ZNF462: variants seen among roughly 807,000 people sequenced by gnomAD.
ZNF462 encodes the protein zinc finger PBX1-interacting protein.
A neutral mutation model predicts 201.9 loss-of-function variants in ZNF462; 10 were observed. The ratio of observed to expected loss-of-function variants is 0.05; its 90% CI spans 0.03 to 0.08. The LOEUF (loss-of-function observed/expected upper bound fraction) is 0.08. Among genes scored for constraint, ZNF462 ranks in the 10% least tolerant of loss-of-function variants. The pLI, the probability that ZNF462 is intolerant of heterozygous loss-of-function variation, is 1.00. For missense variants in ZNF462, 2,523 were observed against 3,168.3 expected (o/e 0.80, Z 4.89); for synonymous variants, 1,227 against 1,193.3 (o/e 1.03, Z -0.58).
intron 1 of ZNF462, among the ~76,000 whole-genome samples, chr9:106,912,533 C>T (rs1224352831): frequency 6.6e-6 from 1 of 152,166 alleles, no homozygotes; most frequent in African/African-American, 2.4e-5. Context: ...GGGCATGGAC[C>T]TTAAGTGTGA....
chr9:106,896,013 T>C (rs1017337006), intron 1 of ZNF462, among the ~76,000 whole-genome samples: 1 of 152,348 alleles, frequency 6.6e-6, no homozygotes, highest in East Asian at 1.9e-4. Flanking sequence ...TGTCCTTTTC[T>C]TTCCCAATGG....
At chr9:106,991,839 TACACACACACACACAC>T (rs200978759) in intron 10 of ZNF462, among the ~76,000 whole-genome samples, 1,645 of 136,336 alleles carry the variant, frequency 0.012, 14 homozygotes, top group African/African-American at 0.013. Context: ...CAGCACTCTC[TACACACACACACACAC>T]ACACACACAC....
rs1177783030 is a variant in ZNF462 at position 107,013,001 on chromosome 9, T to A, written c.*1971T>A. 1.4e-5 allele frequency: 2 copies of A among 145,488 alleles called. No homozygotes were observed. The highest frequency in any genetic ancestry group is 5.7e-5 in the African/African-American group (2 of 35,168). 9.0% of individuals were successfully genotyped at this position (145,488 alleles called of 1,614,324 possible). ...AAGTGTGAACTATCCAGACAAAGAT[T>A]CATTTTGTGTCTATATTTGTTTTTA... On this transcript the variant is annotated 3_prime_UTR_variant, in exon 13 of 13. Coordinates refer to ENST00000277225, the MANE Select transcript of ZNF462 (RefSeq NM_021224.6).
At chr9:107,004,754 A>C (rs1416507409) in intron 11 of ZNF462, among the ~76,000 whole-genome samples, 1 of 152,114 alleles carries the variant, frequency 6.6e-6, no homozygotes, top group Non-Finnish European at 1.5e-5. Context: ...TCTCTTAGCA[A>C]TTGTCAGGTA....
intron 1 of ZNF462, among the ~76,000 whole-genome samples, chr9:106,911,069 T>G (rs1461178126): frequency 2.0e-5 from 3 of 152,164 alleles, no homozygotes; most frequent in Admixed American, 2.0e-4. Context: ...GCTTTAGAAA[T>G]ATCAAGGACA....
At chr9:106,893,781 T>C (rs531526702) in intron 1 of ZNF462, among the ~76,000 whole-genome samples, 14 of 152,314 alleles carry the variant, frequency 9.2e-5, no homozygotes, top group African/African-American at 2.9e-4. Flanking sequence ...TATTTCTATT[T>C]AGCATATGAG....
At chr9:106,931,319 A>C (rs1830415204) in intron 4 of ZNF462, among the ~76,000 whole-genome samples, 1 of 152,108 alleles carries the variant, frequency 6.6e-6, no homozygotes, top group South Asian at 2.1e-4. Context: ...CATAATCCTA[A>C]TAGCAGCCAC....
rs200373104 is a variant in ZNF462 at position 106,986,089 on chromosome 9, T to C, written c.7056+1680T>C. The stretch of plus-strand genomic sequence containing the variant: ...ACCTTTTTATTACAGTGTTTAAGCC[T>C]CCGGGCTGATATTTTCAGACAGAAC... On this transcript the variant is annotated intron_variant, in intron 10 of 12. Transcript: ENST00000277225. Among the ~76,000 whole-genome samples the C allele has an allele frequency of 1.1e-3, 174 of 152,308 alleles. 1 individual carries two copies. The East Asian group carries it at 0.031, about 27-fold the overall frequency.
At position 106,993,743 on chromosome 9, in the gene ZNF462, G is replaced by A. The variant is rs1241064669; in HGVS notation, c.7056+9334G>A. Among the ~76,000 whole-genome samples the A allele has an allele frequency of 6.6e-6, 1 of 151,480 alleles. No individual in the cohort carries two copies. Among genetic ancestry groups the A allele is most frequent in the African/African-American group, 2.4e-5 (1 of 41,202 alleles). On this transcript the variant is annotated intron_variant, in intron 10 of 12. Transcript: ENST00000277225. This position sits in a 1 kb window ranked among gnomAD's most constrained non-coding sequence, Gnocchi z 4.0. ...ATTAGCAATACTGTTGAAAGATGAAGACAACATTTTTTCTTTTTTGAGTCA... is the reference window on the plus strand; with the variant it reads ...ATTAGCAATACTGTTGAAAGATGAAAACAACATTTTTTCTTTTTTGAGTCA...
Position 106,923,484 on chromosome 9 carries a change from C to T in ZNF462, c.101C>T (p.Thr34Ile). The change falls in exon 2 of 13, where the codon ACT (threonine) becomes ATT (isoleucine). Residue 34 changes from threonine (T) to isoleucine (I), a missense_variant. Physicochemically the swap from Thr to Ile is moderately conservative, Grantham distance 89 (BLOSUM62 -1). Transcript: ENST00000277225. This position sits in a 1 kb window ranked among gnomAD's most constrained non-coding sequence, Gnocchi z 5.6. ...QDVHTAFLQP[T>I]DVAEDNVNEL... ...GTCCACACGGCATTTCTGCAGCCAA[C>T]TGATGTTGCTGAGGACAATGTGAAT... 6.2e-7 allele frequency: 1 copy of T among 1,614,228 alleles called. No individual in the cohort carries two copies. Among genetic ancestry groups the T allele is most frequent in the Non-Finnish European group, 8.5e-7 (1 of 1,180,050 alleles).
chr9:106,916,643 T>C (rs984061984), intron 1 of ZNF462, among the ~76,000 whole-genome samples: 3 of 152,218 alleles, frequency 2.0e-5, no homozygotes, highest in African/African-American at 7.2e-5. Context: ...AGGAACTTCC[T>C]GGTGAACCCA....
At chr9:106,975,906 C>T (rs1366092892) in intron 9 of ZNF462, 1 of 152,188 alleles carries the variant, frequency 6.6e-6, no homozygotes, top group Non-Finnish European at 1.5e-5. Context: ...AGCATTCTAC[C>T]CTCAACAAAG....
chr9:106,956,039 T>C (rs1831558692), intron 7 of ZNF462, among the ~76,000 whole-genome samples: 1 of 152,158 alleles, frequency 6.6e-6, no homozygotes, highest in Admixed American at 6.6e-5. Context: ...CGTCCTCCCA[T>C]GAATCACAGA....
rs1455963913 is a variant in ZNF462, at chr9:106,923,906, A to T, written c.221-227A>T. 6.6e-6 allele frequency among the ~76,000 whole-genome samples: 1 copy of T among 152,170 alleles called. No homozygotes were observed. Among genetic ancestry groups the T allele is most frequent in the Non-Finnish European group, 1.5e-5 (1 of 68,038 alleles). ...ATAGCTGTGTGGCTCATTTATGGAG[A>T]TGAGGAGAATACCTAAAGCTATACA... is the stretch of plus-strand genomic sequence containing the variant. On this transcript the variant is annotated intron_variant, in intron 2 of 12. Transcript: ENST00000277225. This position sits in a 1 kb window ranked among gnomAD's most constrained non-coding sequence, Gnocchi z 5.6.
At chr9:106,911,147 C>T (rs1381401490) in intron 1 of ZNF462, among the ~76,000 whole-genome samples, 1 of 152,186 alleles carries the variant, frequency 6.6e-6, no homozygotes, top group African/African-American at 2.4e-5. Context: ...GAAGTAGCCA[C>T]AGTCTTCATT....
At chr9:106,908,088 A>G (rs979886047) in intron 1 of ZNF462, among the ~76,000 whole-genome samples, 3 of 152,002 alleles carry the variant, frequency 2.0e-5, no homozygotes, top group African/African-American at 4.8e-5. Context: ...GTAATGTATT[A>G]TCTCTTAATT....
intron 1 of ZNF462, among the ~76,000 whole-genome samples, chr9:106,921,785 A>G (rs1449974511): frequency 1.3e-5 from 2 of 152,202 alleles, no homozygotes; most frequent in Non-Finnish European, 2.9e-5. Flanking sequence ...TGACTGCTGT[A>G]ATTTGATCCA....
In ZNF462 at chr9:106,928,081, C is replaced by G; in HGVS notation, c.4169C>G (p.Ala1390Gly). The G allele has an allele frequency of 6.2e-7, 1 of 1,614,188 alleles. No individual in the cohort carries two copies. Among genetic ancestry groups the G allele is most frequent in the Non-Finnish European group, 8.5e-7 (1 of 1,180,032 alleles). Residue 1390 changes from alanine to glycine, a missense_variant, in exon 3 of 13, where the codon GCA becomes GGA. By Grantham distance (60) the Ala-to-Gly change is moderately conservative (BLOSUM62 0). This residue lies in a region of ZNF462 where 165 missense variants were observed against 142.6 expected (regional missense o/e 1.16). Coordinates refer to ENST00000277225, the MANE Select transcript of ZNF462 (RefSeq NM_021224.6). This position sits in a 1 kb window ranked among gnomAD's most constrained non-coding sequence, Gnocchi z 9.3. ...SIWDITNHYQ[A>G]FHPWAMNGDE... Reference sequence around the variant, plus strand: ...TGGGACATCACTAATCACTACCAAGCATTCCACCCCTGGGCCATGAATGGT... The same window carrying G: ...TGGGACATCACTAATCACTACCAAGGATTCCACCCCTGGGCCATGAATGGT...
In ZNF462 at chr9:106,905,597, G is replaced by A. The variant is rs746794262; in HGVS notation, c.-30-17757G>A. Among the ~76,000 whole-genome samples the A allele has an allele frequency of 2.0e-5, 3 of 152,116 alleles. No individual in the cohort carries two copies. The highest frequency in any genetic ancestry group is 2.4e-5 in the African/African-American group (1 of 41,422). On this transcript the variant is annotated intron_variant, in intron 1 of 12. Transcript: ENST00000277225. The surrounding 1 kb of genome is among the most constrained non-coding windows in gnomAD (Gnocchi z 5.9). ...ACTCTCCTTGGGCAGGTCTTGCTGCGGCTGCTGTGGGAGATGAGGGTGAGA... is the reference window on the plus strand; with the variant it reads ...ACTCTCCTTGGGCAGGTCTTGCTGCAGCTGCTGTGGGAGATGAGGGTGAGA...
Sources: gnomAD v4.1 joint callset for allele counts (sites outside exome capture counted in the v4.1 genomes callset) on GRCh38, gnomAD v4.1.1 for gene constraint, gnomAD v4.1.1 regional missense constraint, Gnocchi (gnomAD v3.1) non-coding constraint, MANE v1.5 for transcripts, NCBI Gene and HGNC (gene_info 2026-07-23, HGNC 2026-07-21) for gene names.